The following ANO10 variants were observed in gnomAD, a reference collection of about 807,000 sequenced individuals.
ANO10 encodes anoctamin-10.
ANO10 carries 77 observed loss-of-function variants against 74.7 expected under a neutral mutation model. That is an observed-to-expected ratio of 1.03 (90% CI 0.86 to 1.25). The LOEUF is 1.25. ANO10 is among the 50% of genes most tolerant of loss of function. The probability of loss-of-function intolerance (pLI) is 0.00; values close to 1 mark genes in which losing one functional copy is unlikely to be tolerated. For synonymous variants in ANO10, 279 were observed against 284.9 expected (o/e 0.98, Z 0.21); for missense variants, 721 against 778.1 (o/e 0.93, Z 0.87).
At chr3:43,467,941 G>C (rs1188744159) in intron 11 of ANO10, among the ~76,000 whole-genome samples, 1 of 152,172 alleles carries the variant, frequency 6.6e-6, no homozygotes, top group Non-Finnish European at 1.5e-5. Flanking sequence ...GAAACTACAT[G>C]GAAAAACACT....
At chr3:43,402,186 A>T (rs912592993) in intron 12 of ANO10, among the ~76,000 whole-genome samples, 1 of 152,164 alleles carries the variant, frequency 6.6e-6, no homozygotes, top group African/African-American at 2.4e-5. Context: ...ATAAAGTATT[A>T]CTCTTCCCAT....
chr3:43,375,614 C>T (rs539557239), intron 12 of ANO10, among the ~76,000 whole-genome samples: 83 of 152,260 alleles, frequency 5.5e-4, no homozygotes, highest in African/African-American at 1.9e-3. Context: ...TGCGGAGACA[C>T]TTCCTTTAAA....
At chr3:43,451,606 G>A (rs2074876970) in intron 11 of ANO10, among the ~76,000 whole-genome samples, 1 of 151,976 alleles carries the variant, frequency 6.6e-6, no homozygotes, top group Non-Finnish European at 1.5e-5. Flanking sequence ...AGGTGGTGGT[G>A]GTTAGGGATG....
intron 11 of ANO10, among the ~76,000 whole-genome samples, chr3:43,491,224 T>G (rs2076707624): frequency 6.6e-6 from 1 of 152,116 alleles, no homozygotes; most frequent in African/African-American, 2.4e-5. Context: ...TACAAAACCC[T>G]AAGTCAGGCC....
chr3:43,443,649 A>C (rs1394963673), intron 11 of ANO10, among the ~76,000 whole-genome samples: 1 of 151,760 alleles, frequency 6.6e-6, no homozygotes, highest in Non-Finnish European at 1.5e-5. Flanking sequence ...CTCAGTATGA[A>C]AGCATGAAAA....
intron 11 of ANO10, among the ~76,000 whole-genome samples, chr3:43,438,249 T>C (rs115796920): frequency 2.7e-4 from 41 of 152,114 alleles, no homozygotes; most frequent in Non-Finnish European, 5.6e-4. Context: ...CCAAGTAACA[T>C]AGCAAGACCT....
At chr3:43,456,148 G>A (rs1575881358) in intron 11 of ANO10, among the ~76,000 whole-genome samples, 1 of 152,068 alleles carries the variant, frequency 6.6e-6, no homozygotes, top group Non-Finnish European at 1.5e-5. Context: ...CAGGTACGGC[G>A]GTCACCAACA....
chr3:43,470,516 T>C (rs1174335965), intron 11 of ANO10, among the ~76,000 whole-genome samples: 2 of 152,078 alleles, frequency 1.3e-5, no homozygotes, highest in African/African-American at 4.8e-5. Context: ...GCTAATTTTT[T>C]GTATTTTTAG....
chr3:43,423,084 G>GT (rs1384085827), intron 12 of ANO10, among the ~76,000 whole-genome samples: 1 of 149,294 alleles, frequency 6.7e-6, no homozygotes, highest in Admixed American at 6.7e-5. Flanking sequence ...AGCTACTCTT[G>GT]TTACTGATGT....
intron 11 of ANO10, among the ~76,000 whole-genome samples, chr3:43,484,767 T>G (rs2076399755): frequency 6.6e-6 from 1 of 152,200 alleles, no homozygotes; most frequent in Non-Finnish European, 1.5e-5. Context: ...TTCAGGTTTC[T>G]CTGAGGTCTT....
intron 4 of ANO10, 121 bp from the exon 5 acceptor site, chr3:43,580,593 G>T: frequency 8.5e-7 from 1 of 1,177,944 alleles, no homozygotes; most frequent in Non-Finnish European, 1.2e-6. Flanking sequence ...ATGTCATACT[G>T]CCTACTCCAA....
At chr3:43,558,969 G>C (rs1023260171) in intron 9 of ANO10, among the ~76,000 whole-genome samples, 2 of 152,198 alleles carry the variant, frequency 1.3e-5, no homozygotes, top group African/African-American at 2.4e-5. Context: ...GCCTGAGAGA[G>C]AAATCAATAT....
intron 11 of ANO10, among the ~76,000 whole-genome samples, chr3:43,462,561 C>T (rs1340954489): frequency 6.6e-6 from 1 of 152,096 alleles, no homozygotes; most frequent in Non-Finnish European, 1.5e-5. Flanking sequence ...GGAAGCAGAG[C>T]ATAAAAGTTT....
At chr3:43,561,096 C>G (rs909858906) in intron 9 of ANO10, 124 bp downstream of exon 9, 2 of 1,133,972 alleles carry the variant, frequency 1.8e-6, no homozygotes, top group Non-Finnish European at 2.7e-6. Flanking sequence ...GATGAGGAAA[C>G]TGACTGGAAA....
intron 11 of ANO10, among the ~76,000 whole-genome samples, chr3:43,535,507 C>G (rs1054490181): frequency 6.6e-5 from 10 of 152,080 alleles, no homozygotes; most frequent in Non-Finnish European, 2.9e-5. Flanking sequence ...ATCTCTTGAC[C>G]TCGTGATCCA....
At chr3:43,685,128 T>G (rs570774081) in intron 1 of ANO10, among the ~76,000 whole-genome samples, 60 of 152,360 alleles carry the variant, frequency 3.9e-4, no homozygotes, top group African/African-American at 1.4e-3. Flanking sequence ...AGTCATCAAA[T>G]TTATTGGCAT....
chr3:43,555,162 A>C lies in ANO10; in HGVS notation c.1668+116T>G, dbSNP rs147520095. On this transcript the variant is annotated intron_variant, in intron 10 of 12. Transcript: ENST00000292246. ...CACACAGCTAGTTTGTAGCCAAACAAACAAATTCAGTTTTCCTAAATCTCT... is the reference window on the plus strand; with the variant it reads ...CACACAGCTAGTTTGTAGCCAAACACACAAATTCAGTTTTCCTAAATCTCT... 608 of 1,079,576 alleles carry C rather than the reference A, an allele frequency of 5.6e-4. 5 individuals carry two copies. In the African/African-American group the frequency reaches 8.6e-3, roughly 15 times the overall value. 66.9% of individuals were successfully genotyped at this position (1,079,576 alleles called of 1,614,324 possible).
rs1318496503 is a variant in ANO10 at position 43,605,812 on chromosome 3, G to C, written c.41C>G (p.Ser14Cys). Reference protein sequence around the residue: ...TLSALDTSESSFTPLVVIELA... With the variant: ...TLSALDTSESCFTPLVVIELA... ...TTCTATGACCACCAAAGGTGTGAAA[G>C]AACTCTCAGAAGTATCCAAAGCTGA... Residue 14 changes from serine to cysteine, a missense_variant, in exon 2 of 13, where the codon TCT (serine) becomes TGT (cysteine). Transcript: ENST00000292246. The C allele has an allele frequency of 1.2e-6, 2 of 1,613,566 alleles. No individual in the cohort carries two copies. Among genetic ancestry groups the C allele is most frequent in the Non-Finnish European group, 8.5e-7 (1 of 1,179,774 alleles).
intron 12 of ANO10, among the ~76,000 whole-genome samples, chr3:43,428,810 A>AAAAAAC (rs2092937964): frequency 6.6e-6 from 1 of 150,734 alleles, no homozygotes; most frequent in Non-Finnish European, 1.5e-5. Flanking sequence ...AAAAAAAAAA[A>AAAAAAC]AAAAAAAAGT....
Sources: allele counts gnomAD v4.1 joint callset (sites outside exome capture counted in the v4.1 genomes callset), GRCh38; gene constraint gnomAD v4.1.1; transcripts MANE v1.5; gene names NCBI Gene and HGNC (gene_info 2026-07-23, HGNC 2026-07-21).